PAGE2B: variants seen among roughly 807,000 people sequenced by gnomAD.
The protein encoded by PAGE2B is putative G antigen family E member 3.
A neutral mutation model predicts 7.6 loss-of-function variants in PAGE2B; 5 were observed. The ratio of observed to expected loss-of-function variants is 0.66; its 90% CI spans 0.34 to 1.38. The LOEUF is 1.38. Ranked by LOEUF, PAGE2B falls within the 40% of genes most tolerant of loss-of-function variation. PAGE2B has a pLI of 0.04. For synonymous variants in PAGE2B, 29 were observed against 26.7 expected (o/e 1.09, Z -0.27); for missense variants, 70 against 78.4 (o/e 0.89, Z 0.41).
chrX:55,054,957 G>C, the PAGE2B span: 2 of 111,128 alleles, frequency 1.8e-5, no homozygotes, highest in African/African-American at 6.5e-5. Context: ...CCTTTAAAAA[G>C]GATAACGTAT....
chrX:55,036,622 G>A, the PAGE2B span, among the ~76,000 whole-genome samples: 2 of 111,121 alleles, frequency 1.8e-5, no homozygotes, highest in Non-Finnish European at 3.8e-5. Context: ...AACAAAACTG[G>A]AAGCATCACG....
chrX:55,040,096 T>A, the PAGE2B span, among the ~76,000 whole-genome samples: 1 of 110,237 alleles, frequency 9.1e-6, no homozygotes, highest in Middle Eastern at 4.6e-3. Flanking sequence ...TTAATCTATT[T>A]TTAAAATTTT....
intron 1 of PAGE2B, among the ~76,000 whole-genome samples, chrX:55,075,751 A>G (rs1185282226): frequency 9.0e-6 from 1 of 110,974 alleles, no homozygotes; most frequent in Non-Finnish European, 1.9e-5. Context: ...TTTTTCCCCC[A>G]AATGTCTTCA....
At chrX:55,073,720 T>C (rs1427002609), upstream of PAGE2B, among the ~76,000 whole-genome samples, 1 of 112,072 alleles carries the variant, frequency 8.9e-6, no homozygotes, top group African/African-American at 3.3e-5. Flanking sequence ...CAGTGTTTTG[T>C]AGTTCTCATA....
upstream of PAGE2B, among the ~76,000 whole-genome samples, chrX:55,070,920 T>C (rs907446314): frequency 2.7e-5 from 3 of 111,518 alleles, no homozygotes; most frequent in Non-Finnish European, 5.6e-5. Context: ...TTTGAGCCTA[T>C]GTGTGTCTTT....
the PAGE2B span, chrX:55,054,966 A>T: frequency 1.8e-5 from 2 of 111,583 alleles, no homozygotes; most frequent in African/African-American, 3.3e-5. Context: ...AGGATAACGT[A>T]TTTTTTTCAA....
At chrX:55,068,630 G>T in the PAGE2B span, among the ~76,000 whole-genome samples, 1 of 111,848 alleles carries the variant, frequency 8.9e-6, no homozygotes, top group African/African-American at 3.3e-5. Flanking sequence ...ACTTTGGGCA[G>T]TATGGCCATT....
chrX:55,052,989 T>C, the PAGE2B span, among the ~76,000 whole-genome samples: 1 of 113,033 alleles, frequency 8.8e-6, no homozygotes, highest in Non-Finnish European at 1.9e-5. Flanking sequence ...TAGTAGTTAT[T>C]TTAAAACTTC....
At chrX:55,063,556 C>T in the PAGE2B span, among the ~76,000 whole-genome samples, 2 of 110,874 alleles carry the variant, frequency 1.8e-5, no homozygotes, top group African/African-American at 6.5e-5. Context: ...TCCTTTATTT[C>T]TCTCTTGTCT....
the PAGE2B span, among the ~76,000 whole-genome samples, chrX:55,039,880 A>G: frequency 9.0e-6 from 1 of 111,656 alleles, no homozygotes. Context: ...TCACTTGCTT[A>G]TTGCTTTCCA....
the PAGE2B span, among the ~76,000 whole-genome samples, chrX:55,029,723 TG>T: frequency 1.8e-5 from 2 of 112,084 alleles, no homozygotes; most frequent in Non-Finnish European, 3.8e-5. Context: ...ATGTACCTAA[TG>T]TGTGATAATG....
At chrX:55,050,561 A>G in the PAGE2B span, among the ~76,000 whole-genome samples, 1 of 110,606 alleles carries the variant, frequency 9.0e-6, no homozygotes. Flanking sequence ...ACCATTATGT[A>G]ATGGCCTTCT....
the PAGE2B span, among the ~76,000 whole-genome samples, chrX:55,068,564 A>G: frequency 3.6e-5 from 4 of 111,881 alleles, no homozygotes; most frequent in African/African-American, 9.8e-5. Flanking sequence ...GTTTTTTCCA[A>G]TTCTGTGAAG....
At chrX:55,072,614 C>T (rs183192841), upstream of PAGE2B, among the ~76,000 whole-genome samples, 65 of 112,670 alleles carry the variant, frequency 5.8e-4, no homozygotes, top group Admixed American at 5.6e-3. Context: ...CAGGATCTAT[C>T]CTCTCTTCAG....
At position 55,076,144 on chromosome X, in the gene PAGE2B, G is replaced by T; in HGVS notation, c.84+19G>T. ...TGTGATTGTGAGTCCTTTAACATTTGATGTTTCCTATTAACACAATTTATT... is the reference window on the plus strand; with the variant it reads ...TGTGATTGTGAGTCCTTTAACATTTTATGTTTCCTATTAACACAATTTATT... On this transcript the variant is annotated intron_variant, in intron 2 of 4. Transcript: ENST00000374971. 1 of 1,189,735 alleles carries T rather than the reference G, an allele frequency of 8.4e-7. No individual in the cohort carries two copies. The highest frequency in any genetic ancestry group is 1.1e-6 in the Non-Finnish European group (1 of 877,574).
the PAGE2B span, among the ~76,000 whole-genome samples, chrX:55,069,932 T>C: frequency 8.9e-6 from 1 of 112,064 alleles, no homozygotes; most frequent in Non-Finnish European, 1.9e-5. Flanking sequence ...TTCTTCTCTC[T>C]TTTCTTCTTT....
At chrX:55,048,797 T>G in the PAGE2B span, among the ~76,000 whole-genome samples, 1 of 111,514 alleles carries the variant, frequency 9.0e-6, no homozygotes, top group African/African-American at 3.3e-5. Flanking sequence ...TGCCCTTTAT[T>G]TCCTTCTCCT....
chrX:55,035,344 G>C, the PAGE2B span, among the ~76,000 whole-genome samples: 1 of 111,922 alleles, frequency 8.9e-6, no homozygotes, highest in Non-Finnish European at 1.9e-5. Context: ...AAGTTTAAAA[G>C]TCCCTAAGGT....
chrX:55,034,644 A>G, the PAGE2B span, among the ~76,000 whole-genome samples: 1 of 109,506 alleles, frequency 9.1e-6, no homozygotes, highest in Non-Finnish European at 1.9e-5. Context: ...AGTAATCTAT[A>G]TGCTTAGTAG....
Sources: gnomAD v4.1 joint callset for allele counts (sites outside exome capture counted in the v4.1 genomes callset) on GRCh38, gnomAD v4.1.1 for gene constraint, MANE v1.5 for transcripts, NCBI Gene and HGNC (gene_info 2026-07-23, HGNC 2026-07-21) for gene names.